The following SARAF variants were observed in gnomAD, a reference collection of about 807,000 sequenced individuals.
SARAF encodes the protein store-operated calcium entry associated regulatory factor.
In SARAF, 23 loss-of-function variants were observed where a neutral mutation model predicts 39.7. The ratio of observed to expected loss-of-function variants is 0.58; its 90% CI spans 0.42 to 0.82. The LOEUF (loss-of-function observed/expected upper bound fraction) is 0.82. SARAF is among the 40% of genes least tolerant of loss of function. SARAF has a pLI of 0.00. For missense variants in SARAF, 384 were observed against 418.5 expected (o/e 0.92, Z 0.72); for synonymous variants, 175 against 168.5 (o/e 1.04, Z -0.30).
chr8:30,068,718 C>T (rs1801751977), intron 3 of SARAF, among the ~76,000 whole-genome samples: 1 of 152,076 alleles, frequency 6.6e-6, no homozygotes, highest in Non-Finnish European at 1.5e-5. Flanking sequence ...CTGCCTGTTG[C>T]TCAGATTTAC....
intron 1 of SARAF, 49 bp downstream of exon 1, chr8:30,082,798 G>A (rs1585450106): frequency 1.4e-6 from 2 of 1,404,822 alleles, no homozygotes; most frequent in Non-Finnish European, 1.9e-6. Flanking sequence ...CCGGCTGACG[G>A]CGGCGGAAAA....
At chr8:30,078,401 G>A (rs1311785542) in intron 1 of SARAF, 4 of 255,488 alleles carry the variant, frequency 1.6e-5, no homozygotes, top group South Asian at 3.6e-5. Flanking sequence ...AAAGGCACAC[G>A]AAAAGTAAAT....
rs1393226752 is a variant in SARAF at position 30,066,943 on chromosome 8, G to A, written c.701-25C>T. On this transcript the variant is annotated intron_variant, in intron 3 of 5. Coordinates refer to ENST00000256255, the MANE Select transcript of SARAF (RefSeq NM_016127.6). ...CCTTAAAATAAAAATGATTTATTAT[G>A]TATCCTCACTTAAACATGACAGTCT... 3.1e-6 allele frequency: 5 copies of A among 1,611,332 alleles called. No individual in the cohort carries two copies. In the Admixed American group the frequency reaches 6.7e-5, roughly 22 times the overall value.
chr8:30,076,021 G>A (rs1226486612), intron 1 of SARAF, among the ~76,000 whole-genome samples: 1 of 143,188 alleles, frequency 7.0e-6, no homozygotes, highest in Non-Finnish European at 1.5e-5. Flanking sequence ...ACGGGAAATG[G>A]CAGCTCTGGA....
chr8:30,067,092 T>C (rs528651259), intron 3 of SARAF, 174 bp from the exon 4 acceptor site: 5 of 677,162 alleles, frequency 7.4e-6, no homozygotes, highest in African/African-American at 1.8e-5. Flanking sequence ...TGGTTTATAA[T>C]GAGGGAGAGC....
At chr8:30,078,751 A>C (rs572441714) in intron 1 of SARAF, among the ~76,000 whole-genome samples, 1 of 152,226 alleles carries the variant, frequency 6.6e-6, no homozygotes, top group Non-Finnish European at 1.5e-5. Context: ...TATACTTCCA[A>C]CCAGGAACCC....
At chr8:30,065,728 T>C in intron 5 of SARAF, 1 of 425,396 alleles carries the variant, frequency 2.4e-6, no homozygotes, top group South Asian at 2.3e-5. Flanking sequence ...GATCACAGAA[T>C]TAAATATATG....
rs564986053 is a variant in SARAF at position 30,073,898 on chromosome 8, G to C, written c.261C>G (p.Gly87=). The change falls in exon 2 of 6, where the codon GGC becomes GGG. Residue 87 remains glycine, a synonymous_variant. Coordinates refer to ENST00000256255, the MANE Select transcript of SARAF (RefSeq NM_016127.6). ...TPKVIQCQNK[G]WDGYDVQWEC... is the part of the protein sequence containing the mutation. ...TTACCTGTACATCATACCCATCCCA[G>C]CCTTTGTTCTGACACTGTATGACTT... 6.2e-7 allele frequency: 1 copy of C among 1,614,106 alleles called. No homozygotes were observed. Among genetic ancestry groups the C allele is most frequent in the Admixed American group, 1.7e-5 (1 of 60,022 alleles).
At chr8:30,074,357 T>A (rs1213427084) in intron 1 of SARAF, among the ~76,000 whole-genome samples, 1 of 152,238 alleles carries the variant, frequency 6.6e-6, no homozygotes, top group Admixed American at 6.5e-5. Context: ...TGTACTACTG[T>A]GTAATAATAA....
At chr8:30,064,561 A>ATATATATATATATATATTTTTTATTTTT (rs1423689069) in intron 5 of SARAF, among the ~76,000 whole-genome samples, 1 of 46,228 alleles carries the variant, frequency 2.2e-5, no homozygotes, top group Non-Finnish European at 3.4e-5. Context: ...ATATATATAT[A>ATATATATATATATATATTTTTTATTTTT]TTTTTTTTTT....
intron 1 of SARAF, among the ~76,000 whole-genome samples, chr8:30,077,696 G>A (rs1249442320): frequency 6.6e-6 from 1 of 151,894 alleles, no homozygotes; most frequent in African/African-American, 2.4e-5. Context: ...CAGCTACTCG[G>A]GGGGCTGAGG....
rs780415710 is a variant in SARAF at position 30,066,937 on chromosome 8, T to G, written c.701-19A>C. On this transcript the variant is annotated intron_variant, in intron 3 of 5. Coordinates refer to ENST00000256255, the MANE Select transcript of SARAF (RefSeq NM_016127.6). ...TGTGGTCCTTAAAATAAAAATGATT[T>G]ATTATGTATCCTCACTTAAACATGA... is the stretch of plus-strand genomic sequence containing the variant. 3 of 1,546,430 alleles carry G rather than the reference T, an allele frequency of 1.9e-6. No homozygotes were observed. The South Asian group carries it at 3.4e-5, about 18-fold the overall frequency.
At chr8:30,065,616 G>T in intron 5 of SARAF, 1 of 203,782 alleles carries the variant, frequency 4.9e-6, no homozygotes, top group South Asian at 7.0e-5. Flanking sequence ...TCATATTTTT[G>T]AAAATTAAAG....
At chr8:30,076,113 A>G (rs1801960308) in intron 1 of SARAF, among the ~76,000 whole-genome samples, 1 of 151,526 alleles carries the variant, frequency 6.6e-6, no homozygotes, top group African/African-American at 2.4e-5. Flanking sequence ...CCCCAACTCC[A>G]CACTGTTCTA....
At chr8:30,082,352 G>C (rs114911330) in intron 1 of SARAF, 7,709 of 141,462 alleles carry the variant, frequency 0.054, 238 homozygotes, top group African/African-American at 0.082. Context: ...AAAAAAAAAA[G>C]AGTGCAATCT....
chr8:30,079,002 C>T (rs1802038372), intron 1 of SARAF, among the ~76,000 whole-genome samples: 1 of 151,678 alleles, frequency 6.6e-6, no homozygotes, highest in South Asian at 2.1e-4. Context: ...ACTAATAATA[C>T]AAAAATTAGC....
At chr8:30,069,586 C>A in intron 3 of SARAF, 56 bp downstream of exon 3, 1 of 1,494,838 alleles carries the variant, frequency 6.7e-7, no homozygotes, top group East Asian at 2.3e-5. Context: ...GAACCAAGCA[C>A]AGGATGCACT....
chr8:30,082,337 C>CA lies in SARAF; in HGVS notation c.103+509dup, dbSNP rs55898226. On this transcript the variant is annotated intron_variant, in intron 1 of 5. Transcript: ENST00000256255. ...GGGGCGACAATGTGAGACTCCGACT[C>CA]AAAAAAAAAAAAAAGAGTGCAATCT... 855 of 140,230 alleles carry CA rather than the reference C, an allele frequency of 6.1e-3. 9 individuals are homozygous for CA. Among genetic ancestry groups the CA allele is most frequent in the African/African-American group, 0.021 (811 of 37,874 alleles). The allele number at this position is 140,230 out of a possible 1,614,324, so 8.7% of individuals were successfully genotyped here. A position where few individuals can be genotyped will look rare whatever the true frequency, so the allele number is the denominator to read the frequency against.
intron 1 of SARAF, among the ~76,000 whole-genome samples, chr8:30,077,497 T>C (rs1043351614): frequency 1.3e-5 from 2 of 148,636 alleles, no homozygotes; most frequent in East Asian, 2.0e-4. Context: ...TAAAAGAAAA[T>C]CTTCTAGAAA....
Sources: allele counts gnomAD v4.1 joint callset (sites outside exome capture counted in the v4.1 genomes callset), GRCh38; gene constraint gnomAD v4.1.1; transcripts MANE v1.5; gene names NCBI Gene and HGNC (gene_info 2026-07-23, HGNC 2026-07-21).